The following GUCD1 variants were observed in gnomAD, a reference collection of about 807,000 sequenced individuals.
GUCD1 encodes protein GUCD1.
In GUCD1, 17 loss-of-function variants were observed where a neutral mutation model predicts 28.3. The ratio of observed to expected loss-of-function variants is 0.60; its 90% CI spans 0.41 to 0.90. The LOEUF (loss-of-function observed/expected upper bound fraction) is 0.90. GUCD1 is among the 40% of genes least tolerant of loss of function. The probability of loss-of-function intolerance (pLI) is 0.00; values close to 1 mark genes in which losing one functional copy is unlikely to be tolerated. For missense variants in GUCD1, 279 were observed against 305.5 expected (o/e 0.91, Z 0.65); for synonymous variants, 129 against 123.3 (o/e 1.05, Z -0.30).
chr22:24,551,814 T>C (rs2044883136), intron 1 of GUCD1, among the ~76,000 whole-genome samples: 1 of 152,214 alleles, frequency 6.6e-6, no homozygotes, highest in African/African-American at 2.4e-5. Context: ...TGCTATGGTA[T>C]CCTCTCCAAA....
chr22:24,549,272 T>C (rs376307404), intron 1 of GUCD1, among the ~76,000 whole-genome samples: 3 of 152,332 alleles, frequency 2.0e-5, no homozygotes, highest in South Asian at 4.1e-4. Flanking sequence ...GCTGCTGCCC[T>C]AGCACCCTCT....
At chr22:24,544,682 T>G (rs921052325) in intron 4 of GUCD1, among the ~76,000 whole-genome samples, 2 of 152,130 alleles carry the variant, frequency 1.3e-5, no homozygotes, top group Non-Finnish European at 2.9e-5. Flanking sequence ...CACTGCCCCA[T>G]CCTGTGCCTT....
chr22:24,554,866 C>T, intron 1 of GUCD1, 83 bp downstream of exon 1: 1 of 1,138,036 alleles, frequency 8.8e-7, no homozygotes, highest in South Asian at 1.3e-5. Flanking sequence ...GGCCCAAGGT[C>T]GCGCGACTGG....
chr22:24,543,994 A>G lies in GUCD1; in HGVS notation c.476T>C (p.Leu159Pro). ...GCAGTACTTGACAGGGCTGGAGCAC[A>G]GGTCACAGTGCAGCACCCCCGAGTT... ...LVNSGVLHCD[L>P]CSSPVKYCCF... Residue 159 changes from leucine to proline, a missense_variant, in exon 5 of 6, where the codon CTG becomes CCG. Coordinates refer to ENST00000435822, the MANE Select transcript of GUCD1 (RefSeq NM_001284254.2). The G allele has an allele frequency of 6.2e-7, 1 of 1,613,986 alleles. No individual in the cohort carries two copies. Among genetic ancestry groups the G allele is most frequent in the Non-Finnish European group, 8.5e-7 (1 of 1,179,964 alleles).
chr22:24,545,324 G>C (rs2044698226), intron 4 of GUCD1, among the ~76,000 whole-genome samples: 1 of 152,126 alleles, frequency 6.6e-6, no homozygotes, highest in Non-Finnish European at 1.5e-5. Context: ...ACAGGAGTGG[G>C]ATTTCAGCTA....
rs188793344 is a variant in GUCD1 at position 24,547,358 on chromosome 22, T to G, written c.295-353A>C. The G allele has an allele frequency of 3.7e-4, 96 of 260,740 alleles. 1 individual carries two copies. The Admixed American group carries it at 4.5e-3, about 12-fold the overall frequency. 16.2% of individuals were successfully genotyped at this position (260,740 alleles called of 1,614,324 possible). On this transcript the variant is annotated intron_variant, in intron 3 of 5. Transcript: ENST00000435822. ...GCAAGGGGGATGAGGCTGAACCACCTGGGACAGCTCAGCTACAGCTTGGCT... is the reference window on the plus strand; with the variant it reads ...GCAAGGGGGATGAGGCTGAACCACCGGGGACAGCTCAGCTACAGCTTGGCT...
chr22:24,549,960 T>C (rs1330875923), intron 1 of GUCD1, among the ~76,000 whole-genome samples: 2 of 152,200 alleles, frequency 1.3e-5, no homozygotes, highest in South Asian at 4.1e-4. Flanking sequence ...TGTGAGACCA[T>C]GGCCAGGAGA....
In GUCD1 at chr22:24,548,946, A is replaced by G; in HGVS notation, c.99T>C (p.Cys33=). The change falls in exon 2 of 6, where the codon TGT becomes TGC. Residue 33 remains cysteine (C), a synonymous_variant. Coordinates refer to ENST00000435822, the MANE Select transcript of GUCD1 (RefSeq NM_001284254.2). The stretch of plus-strand genomic sequence containing the variant: ...GCACCATCCTGGAGCAGGCCAGGCC[A>G]CAGTCCCAGTGGTAGAGCTGCTGGA... ...PVIQQLYHWD[C]GLACSRMVLR... The G allele has an allele frequency of 6.3e-7, 1 of 1,585,236 alleles. No individual in the cohort carries two copies. The highest frequency in any genetic ancestry group is 8.6e-7 in the Non-Finnish European group (1 of 1,165,532).
rs940887093 is a variant in GUCD1 at position 24,540,948 on chromosome 22, C to T, written c.*2058G>A. On this transcript the variant is annotated 3_prime_UTR_variant, in exon 6 of 6. Coordinates refer to ENST00000435822, the MANE Select transcript of GUCD1 (RefSeq NM_001284254.2). ...GTGCACTGTCTAAATCACATCCCAC[C>T]ATCCTGAAAACTTCATTTCCTCCCA... 4 of 169,400 alleles carry T rather than the reference C, an allele frequency of 2.4e-5. No homozygotes were observed. Among genetic ancestry groups the T allele is most frequent in the African/African-American group, 9.6e-5 (4 of 41,512 alleles). The allele number at this position is 169,400 out of a possible 1,614,324, so 10.5% of individuals were successfully genotyped here. A position where few individuals can be genotyped will look rare whatever the true frequency, so the allele number is the denominator to read the frequency against.
intron 1 of GUCD1, 111 bp downstream of exon 1, chr22:24,554,837 TG>T: frequency 1.3e-6 from 1 of 778,046 alleles, no homozygotes; most frequent in Non-Finnish European, 2.1e-6. Context: ...CAGGCGGGTG[TG>T]GGGGCGAGGC....
chr22:24,555,708 C>T, upstream of GUCD1: 1 of 1,550,700 alleles, frequency 6.4e-7, no homozygotes, highest in Non-Finnish European at 8.7e-7. Context: ...GCCCAAGCCC[C>T]GCGTCTCCGC....
At chr22:24,554,887 G>A (rs1297411052) in intron 1 of GUCD1, 62 bp downstream of exon 1, 17 of 1,355,498 alleles carry the variant, frequency 1.3e-5, no homozygotes, top group Non-Finnish European at 1.8e-5. Context: ...ACCCTGCCCC[G>A]CGCTAGGGAG....
At chr22:24,555,688 C>T (rs1314044664), upstream of GUCD1, 17 of 1,550,568 alleles carry the variant, frequency 1.1e-5, no homozygotes, top group Admixed American at 2.4e-4. Flanking sequence ...CTGCTGTCCC[C>T]GGTCTGAGGG....
chr22:24,555,363 T>C, upstream of GUCD1: 1 of 1,334,214 alleles, frequency 7.5e-7, no homozygotes, highest in Non-Finnish European at 9.8e-7. Context: ...CCCGCCCCTT[T>C]CTTTGAGCCC....
At chr22:24,555,505 G>A (rs1330373395), upstream of GUCD1, 2 of 1,318,046 alleles carry the variant, frequency 1.5e-6, no homozygotes, top group African/African-American at 2.9e-5. Context: ...GAGGCCCCAA[G>A]CAACTCTCCT....
At chr22:24,554,886 C>T in intron 1 of GUCD1, 63 bp downstream of exon 1, 1 of 1,353,316 alleles carries the variant, frequency 7.4e-7, no homozygotes, top group Non-Finnish European at 1.0e-6. Flanking sequence ...GACCCTGCCC[C>T]GCGCTAGGGA....
intron 1 of GUCD1, among the ~76,000 whole-genome samples, chr22:24,552,302 A>T (rs1195023034): frequency 6.6e-6 from 1 of 152,216 alleles, no homozygotes; most frequent in East Asian, 1.9e-4. Flanking sequence ...ATCTCCAAAA[A>T]AGAAAAAAAG....
At chr22:24,546,892 G>A (rs1327889185) in intron 4 of GUCD1, 22 bp downstream of exon 4, 1 of 1,601,688 alleles carries the variant, frequency 6.2e-7, no homozygotes, top group Non-Finnish European at 8.6e-7. Context: ...GGAAGGGCAG[G>A]TAGGAAAGTT....
At chr22:24,555,139 G>A (rs919091434), upstream of GUCD1, 113 of 1,305,700 alleles carry the variant, frequency 8.7e-5, no homozygotes, top group Non-Finnish European at 1.1e-4. Flanking sequence ...GGCGGCGGCT[G>A]GGCCGCCCCA....
Sources: gnomAD v4.1 joint callset for allele counts (sites outside exome capture counted in the v4.1 genomes callset) on GRCh38, gnomAD v4.1.1 for gene constraint, MANE v1.5 for transcripts, NCBI Gene and HGNC (gene_info 2026-07-23, HGNC 2026-07-21) for gene names.